EIF2AK2: variants seen among roughly 807,000 people sequenced by gnomAD.
EIF2AK2 encodes interferon-induced, double-stranded RNA-activated protein kinase.
A neutral mutation model predicts 70.5 loss-of-function variants in EIF2AK2; 40 were observed. The ratio of observed to expected loss-of-function variants is 0.57; its 90% CI spans 0.44 to 0.74. The LOEUF is 0.74. Among genes scored for constraint, EIF2AK2 ranks in the 30% least tolerant of loss-of-function variants. The pLI is 0.00. For missense variants in EIF2AK2, 555 were observed against 644.3 expected, an observed-to-expected ratio of 0.86 and a Z score of 1.50; for synonymous variants, 198 against 220.9, an observed-to-expected ratio of 0.90 and a Z score of 0.92.
intron 12 of EIF2AK2, 23 bp from the exon 13 acceptor site, chr2:37,120,162 G>C: frequency 1.5e-6 from 2 of 1,330,262 alleles, no homozygotes; most frequent in Non-Finnish European, 9.8e-7. Flanking sequence ...TTCACAGTAT[G>C]TTAAAAGTAA....
intron 9 of EIF2AK2, among the ~76,000 whole-genome samples, chr2:37,136,331 G>A (rs543154389): frequency 2.6e-5 from 4 of 152,216 alleles, no homozygotes; most frequent in South Asian, 2.1e-4. Context: ...ACTCAGCTAC[G>A]GGGAACCTAT....
rs748620867 is a variant in EIF2AK2, at chr2:37,100,464, C to T, written c.*6809G>A. On this transcript the variant is annotated 3_prime_UTR_variant, in exon 17 of 17. Transcript: ENST00000233057. Reference sequence around the variant, plus strand: ...AATCAAATTAACCCCATAAGAGCCACACAGATTTGAGAAGCATTTTATTTG... The same window carrying T: ...AATCAAATTAACCCCATAAGAGCCATACAGATTTGAGAAGCATTTTATTTG... 6.6e-6 allele frequency: 1 copy of T among 152,214 alleles called. No individual in the cohort carries two copies. The highest frequency in any genetic ancestry group is 1.5e-5 in the Non-Finnish European group (1 of 68,034). 9.4% of individuals were successfully genotyped at this position (152,214 alleles called of 1,614,324 possible).
At chr2:37,109,860 C>A (rs998640811) in intron 14 of EIF2AK2, among the ~76,000 whole-genome samples, 1 of 152,064 alleles carries the variant, frequency 6.6e-6, no homozygotes, top group East Asian at 1.9e-4. Flanking sequence ...AGGTCAAAAA[C>A]GGGAAGAACT....
chr2:37,149,354 C>T lies in EIF2AK2; in HGVS notation c.-183-331G>A, dbSNP rs116193542. ...TTTAAAGGTCTTTATTTCTAAAATT[C>T]GGTTACTCTAAGATACATTTTAAGC... is the stretch of plus-strand genomic sequence containing the variant. On this transcript the variant is annotated intron_variant, in intron 1 of 16. Transcript: ENST00000233057. The T allele has an allele frequency of 1.3e-3, 902 of 668,474 alleles. 8 individuals carry two copies. In the African/African-American group the frequency reaches 0.015, roughly 11 times the overall value. 41.4% of individuals were successfully genotyped at this position (668,474 alleles called of 1,614,324 possible).
rs200138943 is a variant in EIF2AK2, at chr2:37,139,694, C to T, written c.453G>A (p.Gln151=). ...GTTTAGCGGCCAATTGTTTTGCTTCCTGTTTAGTAGAACCTGTACCAATAC... is the reference window on the plus strand; with the variant it reads ...GTTTAGCGGCCAATTGTTTTGCTTCTTGTTTAGTAGAACCTGTACCAATAC... ...EYSIGTGSTK[Q]EAKQLAAKLA... Residue 151 remains glutamine, a synonymous_variant, in exon 6 of 17, where the codon CAG becomes CAA. Coordinates refer to ENST00000233057, the MANE Select transcript of EIF2AK2 (RefSeq NM_001135651.3). The T allele has an allele frequency of 3.1e-6, 5 of 1,614,008 alleles. No homozygotes were observed. Among genetic ancestry groups the T allele is most frequent in the African/African-American group, 1.3e-5 (1 of 75,028 alleles).
chr2:37,142,981 C>G (rs565327055), intron 4 of EIF2AK2, among the ~76,000 whole-genome samples: 130 of 152,258 alleles, frequency 8.5e-4, no homozygotes, highest in South Asian at 2.7e-3. Context: ...GTAATCCCAG[C>G]ACTTTGGGAG....
intron 13 of EIF2AK2, among the ~76,000 whole-genome samples, chr2:37,116,144 T>C (rs1260877469): frequency 6.6e-6 from 1 of 152,042 alleles, no homozygotes; most frequent in Non-Finnish European, 1.5e-5. Flanking sequence ...AGCAATCTGC[T>C]CACCTCAGCC....
chr2:37,128,404 A>T (rs1287059098), intron 10 of EIF2AK2, among the ~76,000 whole-genome samples: 1 of 152,128 alleles, frequency 6.6e-6, no homozygotes, highest in Non-Finnish European at 1.5e-5. Context: ...GATTTACAGG[A>T]GTACTTGTTT....
At chr2:37,116,022 G>A (rs761280362) in intron 13 of EIF2AK2, among the ~76,000 whole-genome samples, 16 of 151,584 alleles carry the variant, frequency 1.1e-4, no homozygotes, top group Non-Finnish European at 2.2e-4. Context: ...TCAGCCTCCC[G>A]AGGAGCTGGG....
At chr2:37,134,419 C>T (rs1017365549) in intron 10 of EIF2AK2, among the ~76,000 whole-genome samples, 2 of 152,208 alleles carry the variant, frequency 1.3e-5, no homozygotes, top group Non-Finnish European at 2.9e-5. Context: ...TGCTGACCAT[C>T]AAACTAACCG....
At chr2:37,128,089 A>G (rs1674806999) in intron 10 of EIF2AK2, among the ~76,000 whole-genome samples, 1 of 152,166 alleles carries the variant, frequency 6.6e-6, no homozygotes, top group Non-Finnish European at 1.5e-5. Flanking sequence ...ATGAAACTCC[A>G]TGACAACAGG....
rs754007115 is a variant in EIF2AK2, at chr2:37,114,786, T to C, written c.1322A>G (p.Asn441Ser). The C allele has an allele frequency of 6.2e-7, 1 of 1,604,890 alleles. No individual in the cohort carries two copies. Among genetic ancestry groups the C allele is most frequent in the Admixed American group, 1.7e-5 (1 of 59,050 alleles). Residue 441 changes from asparagine to serine, a missense_variant, in exon 14 of 17, where the codon AAT becomes AGT. Coordinates refer to ENST00000233057, the MANE Select transcript of EIF2AK2 (RefSeq NM_001135651.3). ...GDFGLVTSLK[N>S]DGKRTRSKGT... ...CTTACTCCTTGTTCGCTTTCCATCATTTTTCAGAGATGTTACAAGTCCAAA... is the reference window on the plus strand; with the variant it reads ...CTTACTCCTTGTTCGCTTTCCATCACTTTTCAGAGATGTTACAAGTCCAAA...
At chr2:37,142,917 G>A (rs966843069) in intron 4 of EIF2AK2, among the ~76,000 whole-genome samples, 5 of 151,974 alleles carry the variant, frequency 3.3e-5, no homozygotes, top group Non-Finnish European at 7.4e-5. Context: ...CATCTCTGGA[G>A]CACAGTACTT....
chr2:37,148,687 T>C, intron 2 of EIF2AK2, 170 bp downstream of exon 2: 1 of 813,704 alleles, frequency 1.2e-6, no homozygotes, highest in African/African-American at 1.7e-5. Context: ...CTAGGAACAA[T>C]ACAATTTGCT....
At chr2:37,135,295 A>G (rs1279665601) in intron 10 of EIF2AK2, among the ~76,000 whole-genome samples, 189 bp downstream of exon 10, 3 of 152,262 alleles carry the variant, frequency 2.0e-5, no homozygotes, top group African/African-American at 7.2e-5. Context: ...GAACAAAATC[A>G]TAATATGGGT....
At chr2:37,144,880 C>G (rs967816392) in intron 4 of EIF2AK2, among the ~76,000 whole-genome samples, 3 of 149,016 alleles carry the variant, frequency 2.0e-5, no homozygotes, top group Non-Finnish European at 3.0e-5. Context: ...CCACACCCAG[C>G]CTTTGTTTTG....
intron 12 of EIF2AK2, among the ~76,000 whole-genome samples, chr2:37,121,968 C>T (rs1674569835): frequency 6.6e-6 from 1 of 152,134 alleles, no homozygotes; most frequent in Non-Finnish European, 1.5e-5. Context: ...AATGGCTTAA[C>T]TGACATAAAA....
intron 2 of EIF2AK2, among the ~76,000 whole-genome samples, chr2:37,148,309 A>G (rs746980706): frequency 2.9e-4 from 44 of 152,214 alleles, no homozygotes; most frequent in Non-Finnish European, 5.7e-4. Context: ...AGGATTGTAG[A>G]ATGTTTTATG....
At chr2:37,152,316 C>G (rs1486453122) in intron 1 of EIF2AK2, among the ~76,000 whole-genome samples, 2 of 152,076 alleles carry the variant, frequency 1.3e-5, no homozygotes, top group African/African-American at 4.8e-5. Context: ...GGGCCTCACT[C>G]TGTTGCCCAG....
Sources: gnomAD v4.1 joint callset for allele counts (sites outside exome capture counted in the v4.1 genomes callset) on GRCh38, gnomAD v4.1.1 for gene constraint, MANE v1.5 for transcripts, NCBI Gene and HGNC (gene_info 2026-07-23, HGNC 2026-07-21) for gene names.